PCDHGB5: variants seen among roughly 807,000 people sequenced by gnomAD.
PCDHGB5 encodes the protein protocadherin gamma-B5.
A neutral mutation model predicts 62.9 loss-of-function variants in PCDHGB5; 48 were observed. The ratio of observed to expected loss-of-function variants is 0.76; its 90% CI spans 0.61 to 0.97. PCDHGB5 has a LOEUF of 0.97. Ranked by LOEUF, PCDHGB5 falls within the 50% of genes least tolerant of loss-of-function variation. PCDHGB5 has a pLI of 0.00. For synonymous variants in PCDHGB5, 474 were observed against 511.2 expected (o/e 0.93, Z 0.98); for missense variants, 1,118 against 1,198.6 (o/e 0.93, Z 0.99).
In PCDHGB5 at chr5:141,490,113, C is replaced by G. The variant is rs2099696295; in HGVS notation, c.2398-4694C>G. Reference sequence around the variant, plus strand: ...ACCACACATCTGAGGCAGTGCGGAACCTCTTTGGCCTAGACCCTAGCAGTG... The same window carrying G: ...ACCACACATCTGAGGCAGTGCGGAAGCTCTTTGGCCTAGACCCTAGCAGTG... On this transcript the variant is annotated intron_variant, in intron 1 of 3. Transcript: ENST00000617380. This position sits in a 1 kb window ranked among gnomAD's most constrained non-coding sequence, Gnocchi z 5.4. 1 of 1,614,258 alleles carries G rather than the reference C, an allele frequency of 6.2e-7. No individual in the cohort carries two copies.
intron 1 of PCDHGB5, chr5:141,415,755 T>TTTG: frequency 1.4e-6 from 2 of 1,387,632 alleles, no homozygotes; most frequent in Middle Eastern, 2.6e-4. Context: ...TTTTTTTTTT[T>TTTG]TTTTTTTTTT....
At position 141,487,080 on chromosome 5, in the gene PCDHGB5, C is replaced by G. The variant is rs2154580766; in HGVS notation, c.2398-7727C>G. 1 of 1,614,126 alleles carries G rather than the reference C, an allele frequency of 6.2e-7. No individual in the cohort carries two copies. Among genetic ancestry groups the G allele is most frequent in the East Asian group, 2.2e-5 (1 of 44,872 alleles). On this transcript the variant is annotated intron_variant, in intron 1 of 3. Coordinates refer to ENST00000617380, the MANE Select transcript of PCDHGB5 (RefSeq NM_018925.3). This position sits in a 1 kb window ranked among gnomAD's most constrained non-coding sequence, Gnocchi z 5.0. ...GTGCGGACGGCTGTTCCTATCCCAG[C>G]TGACCTCCCACCACAGAAGCTGGTC...
At chr5:141,401,214 C>T (rs894124786) in intron 1 of PCDHGB5, among the ~76,000 whole-genome samples, 4 of 151,920 alleles carry the variant, frequency 2.6e-5, no homozygotes, top group Non-Finnish European at 4.4e-5. Context: ...TGGTGGCGGG[C>T]GCCTGTAATC....
At position 141,404,344 on chromosome 5, in the gene PCDHGB5, C is replaced by T. The variant is rs755599341; in HGVS notation, c.2397+3820C>T. 1.1e-5 allele frequency: 18 copies of T among 1,613,954 alleles called. No homozygotes were observed. In the East Asian group the frequency reaches 3.8e-4, roughly 34 times the overall value. ...CCTACTCAGTCTACCTCCCGGAAAA[C>T]AACGCCAGAGGTACTTCCATCTTCT... On this transcript the variant is annotated intron_variant, in intron 1 of 3. Coordinates refer to ENST00000617380, the MANE Select transcript of PCDHGB5 (RefSeq NM_018925.3).
At position 141,468,868 on chromosome 5, in the gene PCDHGB5, A is replaced by AAAT. The variant is rs993655754; in HGVS notation, c.2398-25921_2398-25919dup. Among the ~76,000 whole-genome samples, 30 of 151,912 alleles carry AAAT rather than the reference A, an allele frequency of 2.0e-4. No homozygotes were observed. The East Asian group carries it at 4.3e-3, about 22-fold the overall frequency. On this transcript the variant is annotated intron_variant, in intron 1 of 3. Coordinates refer to ENST00000617380, the MANE Select transcript of PCDHGB5 (RefSeq NM_018925.3). ...GCAACAGAGCGAGACTCCATCTCAAAAATAATAATAATAATAATAAGGTAC... is the reference window on the plus strand; with the variant it reads ...GCAACAGAGCGAGACTCCATCTCAAAAATAATAATAATAATAATAATAAGGTAC...
chr5:141,448,511 A>C (rs2098593334), intron 1 of PCDHGB5, among the ~76,000 whole-genome samples: 1 of 152,076 alleles, frequency 6.6e-6, no homozygotes, highest in Admixed American at 6.6e-5. Context: ...ACATTTTATA[A>C]CTTTATTAAG....
rs184835272 is a variant in PCDHGB5, at chr5:141,470,234, C to A, written c.2398-24573C>A. ...AACCATTCAGCTTCTTCACCAAACC[C>A]TTGAATGTCCCACCTGTCTAAATGG... On this transcript the variant is annotated intron_variant, in intron 1 of 3. Transcript: ENST00000617380. Among the ~76,000 whole-genome samples, 6 of 152,288 alleles carry A rather than the reference C, an allele frequency of 3.9e-5. No individual in the cohort carries two copies. The East Asian group carries it at 9.6e-4, about 24-fold the overall frequency.
chr5:141,421,924 G>A, intron 1 of PCDHGB5: 1 of 1,613,564 alleles, frequency 6.2e-7, no homozygotes, highest in South Asian at 1.1e-5. Context: ...TCGTGTGGTG[G>A]TCCTCGATGT....
At position 141,490,745 on chromosome 5, in the gene PCDHGB5, C is replaced by A. The variant is rs769031787; in HGVS notation, c.2398-4062C>A. 1 of 1,614,238 alleles carries A rather than the reference C, an allele frequency of 6.2e-7. No homozygotes were observed. Among genetic ancestry groups the A allele is most frequent in the Non-Finnish European group, 8.5e-7 (1 of 1,180,042 alleles). ...GTAGGAAATCAGGTTCAGGGAGCCCCAGCCTCCTCCTTTGTGTATGTCAAC... is the reference window on the plus strand; with the variant it reads ...GTAGGAAATCAGGTTCAGGGAGCCCAAGCCTCCTCCTTTGTGTATGTCAAC... On this transcript the variant is annotated intron_variant, in intron 1 of 3. Transcript: ENST00000617380. The surrounding 1 kb of genome is among the most constrained non-coding windows in gnomAD (Gnocchi z 5.4).
chr5:141,450,931 T>G (rs571428678), intron 1 of PCDHGB5, among the ~76,000 whole-genome samples: 2 of 151,650 alleles, frequency 1.3e-5, no homozygotes, highest in African/African-American at 4.8e-5. Flanking sequence ...TTCAAGCAAT[T>G]CTCCTACCTC....
At chr5:141,475,987 C>A in intron 1 of PCDHGB5, 2 of 1,101,540 alleles carry the variant, frequency 1.8e-6, no homozygotes, top group Non-Finnish European at 2.6e-6. Flanking sequence ...AGCCGGCGAG[C>A]AAATCAACGG....
In PCDHGB5 at chr5:141,476,802, C is replaced by T; in HGVS notation, c.2398-18005C>T. 2 of 1,613,638 alleles carry T rather than the reference C, an allele frequency of 1.2e-6. No homozygotes were observed. The highest frequency in any genetic ancestry group is 1.7e-6 in the Non-Finnish European group (2 of 1,180,020). On this transcript the variant is annotated intron_variant, in intron 1 of 3. Coordinates refer to ENST00000617380, the MANE Select transcript of PCDHGB5 (RefSeq NM_018925.3). The surrounding 1 kb of genome is among the most constrained non-coding windows in gnomAD (Gnocchi z 7.6). ...ACCCCAGCTCTCTCCGCCAGCCTGC[C>T]TATTCACATCAAGGTGCTGGACGCG... is the stretch of plus-strand genomic sequence containing the variant.
At chr5:141,422,997 C>A in intron 1 of PCDHGB5, 3 of 1,614,218 alleles carry the variant, frequency 1.9e-6, no homozygotes, top group Non-Finnish European at 2.5e-6. Flanking sequence ...ACCTGGTGAC[C>A]AAGGTGGTTG....
chr5:141,423,230 G>C (rs1223173152), intron 1 of PCDHGB5: 1 of 1,613,872 alleles, frequency 6.2e-7, no homozygotes, highest in Admixed American at 1.7e-5. Context: ...GTGGCCGACA[G>C]CATCCCCGAA....
At chr5:141,404,167 G>A (rs2094493296) in intron 1 of PCDHGB5, 1 of 1,612,946 alleles carries the variant, frequency 6.2e-7, no homozygotes, top group South Asian at 1.1e-5. Flanking sequence ...ACAGATTGTT[G>A]ACGGCCCAAA....
chr5:141,403,186 C>G, intron 1 of PCDHGB5: 2 of 1,614,012 alleles, frequency 1.2e-6, no homozygotes, highest in Non-Finnish European at 1.7e-6. Flanking sequence ...TCTCTCTGAA[C>G]CCGCGCAGCG....
rs11410533 is a variant in PCDHGB5, at chr5:141,429,387, TAAAA to T, written c.2397+28868_2397+28871del. Among the ~76,000 whole-genome samples, 383 of 151,446 alleles carry T rather than the reference TAAAA, an allele frequency of 2.5e-3. 1 individual carries two copies. The highest frequency in any genetic ancestry group is 4.2e-3 in the South Asian group (20 of 4,786). ...AAATGGAGAAAATGTGTTTTTTTTT[TAAAA>T]AAAATTGAGATTAAGGTCTCATTAT... On this transcript the variant is annotated intron_variant, in intron 1 of 3. Transcript: ENST00000617380.
chr5:141,442,774 AT>A (rs2098342677), intron 1 of PCDHGB5, among the ~76,000 whole-genome samples: 1 of 152,188 alleles, frequency 6.6e-6, no homozygotes, highest in Non-Finnish European at 1.5e-5. Flanking sequence ...TATGTGTTTG[AT>A]TATATTTTAT....
intron 1 of PCDHGB5, among the ~76,000 whole-genome samples, chr5:141,465,592 A>G (rs1485357197): frequency 6.6e-6 from 1 of 152,046 alleles, no homozygotes; most frequent in Non-Finnish European, 1.5e-5. Flanking sequence ...TAATAATCAG[A>G]TCTTATCACT....
Sources: gnomAD v4.1 joint callset for allele counts (sites outside exome capture counted in the v4.1 genomes callset) on GRCh38, gnomAD v4.1.1 for gene constraint, Gnocchi (gnomAD v3.1) non-coding constraint, MANE v1.5 for transcripts, NCBI Gene and HGNC (gene_info 2026-07-23, HGNC 2026-07-21) for gene names.